ATRX: variants seen among roughly 807,000 people sequenced by gnomAD.
ATRX encodes chromatin remodeler ATRX.
ATRX carries 12 observed loss-of-function variants against 172.6 expected under a neutral mutation model. The ratio of observed to expected loss-of-function variants is 0.07; its 90% CI spans 0.04 to 0.11. ATRX has a LOEUF of 0.11. Among genes scored for constraint, ATRX ranks in the 10% least tolerant of loss-of-function variants. ATRX has a pLI of 1.00. For missense variants in ATRX, 1,368 were observed against 1,767.4 expected (o/e 0.77, Z 4.05); for synonymous variants, 674 against 594.7 (o/e 1.13, Z -1.94).
chrX:77,598,337 T>C lies in ATRX; in HGVS notation c.5956+1074A>G, dbSNP rs45466799. 7.6e-3 allele frequency among the ~76,000 whole-genome samples: 841 copies of C among 111,359 alleles called. 13 individuals are homozygous for C. The highest frequency in any genetic ancestry group is 0.026 in the African/African-American group (801 of 30,642). ...CTGAAAAACTAACTACTGAGTACTA[T>C]GTTCAGTACCTGGGGATGGGATCAA... is the stretch of plus-strand genomic sequence containing the variant. On this transcript the variant is annotated intron_variant, in intron 25 of 34. Coordinates refer to ENST00000373344, the MANE Select transcript of ATRX (RefSeq NM_000489.6).
intron 2 of ATRX, among the ~76,000 whole-genome samples, chrX:77,711,689 G>A (rs2072773819): frequency 8.9e-6 from 1 of 111,881 alleles, no homozygotes; most frequent in African/African-American, 3.3e-5. Flanking sequence ...ACAAAAATTA[G>A]CTGGGCGTGG....
chrX:77,602,386 A>G (rs1390653139), intron 22 of ATRX, among the ~76,000 whole-genome samples: 7 of 110,170 alleles, frequency 6.4e-5, no homozygotes, highest in African/African-American at 2.3e-4. Context: ...ATCTTTTCAA[A>G]GAACCTACCT....
At chrX:77,616,817 T>C in intron 21 of ATRX, 87 bp from the exon 22 acceptor site, 1 of 649,444 alleles carries the variant, frequency 1.5e-6, no homozygotes, top group Non-Finnish European at 2.5e-6. Context: ...AACTGAAATA[T>C]ACACATAAAT....
rs2066594610 is a variant in ATRX at position 77,599,580 on chromosome X, T to C, written c.5787A>G (p.Lys1929=). 4 of 1,209,830 alleles carry C rather than the reference T, an allele frequency of 3.3e-6. No individual in the cohort carries two copies. Among genetic ancestry groups the C allele is most frequent in the Non-Finnish European group, 4.5e-6 (4 of 894,725 alleles). The stretch of plus-strand genomic sequence containing the variant: ...TCCCCTTTTTCCCTTTTTTCTTCTT[T>C]CTAAAAACAAACAAACAAACAAACA... The part of the protein sequence containing the change: ...SMSLSSDDYT[K]KKKKGKKGKK... Residue 1929 remains lysine, a splice_region_variant and synonymous_variant, in exon 25 of 35, where the codon AAA becomes AAG. Transcript: ENST00000373344.
At chrX:77,573,698 C>T (rs1334002126) in intron 28 of ATRX, among the ~76,000 whole-genome samples, 1 of 111,489 alleles carries the variant, frequency 9.0e-6, no homozygotes, top group Non-Finnish European at 1.9e-5. Flanking sequence ...GAAACTGGAA[C>T]TCTCATACAA....
At chrX:77,578,924 G>C (rs1460382105) in intron 27 of ATRX, among the ~76,000 whole-genome samples, 1 of 111,557 alleles carries the variant, frequency 9.0e-6, no homozygotes, top group Non-Finnish European at 1.9e-5. Context: ...CCTGAAGGGT[G>C]AGTCTCTGGC....
At chrX:77,779,091 ATTTTTTT>A (rs1169146207) in intron 1 of ATRX, among the ~76,000 whole-genome samples, 6 of 62,778 alleles carry the variant, frequency 9.6e-5, no homozygotes, top group Non-Finnish European at 1.4e-4. Flanking sequence ...CCATGCCCGG[ATTTTTTT>A]TTTTTTTTTT....
intron 10 of ATRX, 44 bp from the exon 11 acceptor site, chrX:77,664,822 G>A (rs2148499439): frequency 2.7e-6 from 3 of 1,094,047 alleles, no homozygotes; most frequent in Non-Finnish European, 3.7e-6. Context: ...ATATCTGGGG[G>A]TGAAATACAC....
At chrX:77,569,610 T>A (rs1329525100) in intron 28 of ATRX, among the ~76,000 whole-genome samples, 2 of 111,487 alleles carry the variant, frequency 1.8e-5, no homozygotes, top group Non-Finnish European at 3.8e-5. Context: ...ATTTGAGCAA[T>A]GAACACATGG....
intron 9 of ATRX, among the ~76,000 whole-genome samples, chrX:77,677,393 C>T (rs1415519252): frequency 9.0e-6 from 1 of 111,438 alleles, no homozygotes; most frequent in East Asian, 2.8e-4. Flanking sequence ...TTACTAGTTG[C>T]CAGATGTCAG....
rs1428785372 is a variant in ATRX at position 77,648,963 on chromosome X, G to A, written c.4557+3151C>T. On this transcript the variant is annotated intron_variant, in intron 15 of 34. Coordinates refer to ENST00000373344, the MANE Select transcript of ATRX (RefSeq NM_000489.6). Reference sequence around the variant, plus strand: ...GGGAGAGGACCACTTGAGGCCAGGGGGTCAAGACCAGCCTGGGTAGCATAA... The same window carrying A: ...GGGAGAGGACCACTTGAGGCCAGGGAGTCAAGACCAGCCTGGGTAGCATAA... Among the ~76,000 whole-genome samples the A allele has an allele frequency of 5.4e-5, 6 of 110,424 alleles. No homozygotes were observed. In the Admixed American group the frequency reaches 5.8e-4, roughly 11 times the overall value.
intron 28 of ATRX, among the ~76,000 whole-genome samples, chrX:77,573,611 G>A (rs1420049164): frequency 9.0e-6 from 1 of 111,210 alleles, no homozygotes; most frequent in Admixed American, 9.5e-5. Context: ...CACAAGAGAT[G>A]CCACTACACA....
intron 1 of ATRX, among the ~76,000 whole-genome samples, chrX:77,724,134 C>T (rs1489709469): frequency 3.6e-5 from 4 of 109,946 alleles, no homozygotes; most frequent in African/African-American, 9.9e-5. Flanking sequence ...CAAAATTAGC[C>T]GGGCCTGGTG....
In ATRX at chrX:77,633,268, T is replaced by C. The variant is rs781845474; in HGVS notation, c.5073A>G (p.Gln1691=). 26 of 1,209,217 alleles carry C rather than the reference T, an allele frequency of 2.2e-5. No homozygotes were observed. The highest frequency in any genetic ancestry group is 2.9e-5 in the Non-Finnish European group (26 of 894,482). ...GTTTCCGACTCTTCACATTCCTTCC[T>C]TGAGCAAGATTTCTATACATCTCAT... The part of the protein sequence containing the change: ...IGYEMYRNLA[Q]GRNVKSRKLK... Residue 1691 remains glutamine (Q), a synonymous_variant, in exon 19 of 35, where the codon CAA becomes CAG. Transcript: ENST00000373344.
chrX:77,631,550 C>T (rs1240329634), intron 19 of ATRX, among the ~76,000 whole-genome samples: 1 of 110,964 alleles, frequency 9.0e-6, no homozygotes, highest in African/African-American at 3.3e-5. Flanking sequence ...CATGTACCCC[C>T]GATATGAGAT....
chrX:77,525,904 G>C (rs1481322822), intron 30 of ATRX, among the ~76,000 whole-genome samples: 4 of 112,201 alleles, frequency 3.6e-5, no homozygotes, highest in Non-Finnish European at 7.5e-5. Flanking sequence ...TATATTTAAT[G>C]GTTGGAGGGG....
intron 30 of ATRX, among the ~76,000 whole-genome samples, chrX:77,537,305 T>C (rs782393236): frequency 9.0e-6 from 1 of 111,685 alleles, no homozygotes; most frequent in African/African-American, 3.3e-5. Context: ...CTGAGTACAG[T>C]GCCTGGTTTA....
rs2148585588 is a variant in ATRX, at chrX:77,682,330, C to T, written c.2926G>A (p.Glu976Lys). 4 of 1,205,363 alleles carry T rather than the reference C, an allele frequency of 3.3e-6. No homozygotes were observed. Among genetic ancestry groups the T allele is most frequent in the Non-Finnish European group, 4.5e-6 (4 of 893,772 alleles). Residue 976 changes from glutamate to lysine, a missense_variant, in exon 9 of 35, where the codon GAA becomes AAA. Around this residue, in one of 17 missense-constraint regions of ATRX, gnomAD observed 843 missense variants for 643.1 expected, o/e 1.31. Transcript: ENST00000373344. ...TGCTTTTTATCATCTTCAGAAGTTT[C>T]ATCGCTCTGGTCTTTCTTTAGGAAT... ...EKFLKKDQSD[E>K]TSEDDKKQSK...
chrX:77,637,285 T>C (rs1362686667), intron 15 of ATRX, among the ~76,000 whole-genome samples: 4 of 112,388 alleles, frequency 3.6e-5, no homozygotes, highest in African/African-American at 1.3e-4. Flanking sequence ...AAGCTCCTTA[T>C]TTAGAATAAA....
Sources: allele counts gnomAD v4.1 joint callset (sites outside exome capture counted in the v4.1 genomes callset), GRCh38; gene constraint gnomAD v4.1.1; regional missense constraint gnomAD v4.1.1; transcripts MANE v1.5; gene names NCBI Gene and HGNC (gene_info 2026-07-23, HGNC 2026-07-21).